Variants in CNTROB observed in about 807,000 individuals in gnomAD.
CNTROB encodes the protein centrobin, centriole duplication and spindle assembly protein.
A neutral mutation model predicts 115.7 loss-of-function variants in CNTROB; 82 were observed. The ratio of observed to expected loss-of-function variants is 0.71; its 90% CI spans 0.59 to 0.85. The LOEUF (loss-of-function observed/expected upper bound fraction) is 0.85. CNTROB is among the 40% of genes least tolerant of loss of function. The pLI is 0.00. For synonymous variants in CNTROB, 439 were observed against 456.4 expected (o/e 0.96, Z 0.49); for missense variants, 1,014 against 1,144.4 (o/e 0.89, Z 1.64).
chr17:7,939,990 C>T lies in CNTROB; in HGVS notation c.1165-106C>T. On this transcript the variant is annotated intron_variant, in intron 8 of 18. Coordinates refer to ENST00000563694, the MANE Select transcript of CNTROB (RefSeq NM_053051.5). This position sits in a 1 kb window ranked among gnomAD's most constrained non-coding sequence, Gnocchi z 4.4. Reference sequence around the variant, plus strand: ...GGGGAAATAAAACAAATGGGAGGAGCTGGGGGAAGCTTGGATTTTAGGGTT... The same window carrying T: ...GGGGAAATAAAACAAATGGGAGGAGTTGGGGGAAGCTTGGATTTTAGGGTT... 7.5e-7 allele frequency: 1 copy of T among 1,332,358 alleles called. No homozygotes were observed. The allele number at this position is 1,332,358 out of a possible 1,614,324, so 82.5% of individuals were successfully genotyped here.
chr17:7,944,511 A>G lies in CNTROB; in HGVS notation c.1607A>G (p.Gln536Arg). 3 of 1,614,096 alleles carry G rather than the reference A, an allele frequency of 1.9e-6. No individual in the cohort carries two copies. Among genetic ancestry groups the G allele is most frequent in the Non-Finnish European group, 2.5e-6 (3 of 1,179,996 alleles). The stretch of plus-strand genomic sequence containing the variant: ...GAGCAAGCGCGAGTGTGCGAACTGC[A>G]GAGTGGGAACCAGCAGCTGGAGGAG... ...AREQARVCEL[Q>R]SGNQQLEEQR... Residue 536 changes from glutamine to arginine, a missense_variant, in exon 12 of 19, where the codon CAG (glutamine) becomes CGG (arginine). Transcript: ENST00000563694. This position sits in a 1 kb window ranked among gnomAD's most constrained non-coding sequence, Gnocchi z 4.0.
intron 9 of CNTROB, 37 bp downstream of exon 9, chr17:7,940,279 C>G (rs2151754354): frequency 6.4e-7 from 1 of 1,559,912 alleles, no homozygotes. Flanking sequence ...TTTGTTCTGA[C>G]AGAAGTAGAT....
chr17:7,942,393 T>C (rs1051668091), intron 9 of CNTROB, among the ~76,000 whole-genome samples: 37 of 151,904 alleles, frequency 2.4e-4, no homozygotes, highest in African/African-American at 8.5e-4. Flanking sequence ...GTCAGGAGAT[T>C]GAGACCATCC....
In CNTROB at chr17:7,937,259, A is replaced by G; in HGVS notation, c.924A>G (p.Thr308=). 1.2e-6 allele frequency: 2 copies of G among 1,614,088 alleles called. No homozygotes were observed. The highest frequency in any genetic ancestry group is 1.7e-6 in the Non-Finnish European group (2 of 1,179,954). ...GACTGCAGCAACGGGAAAGAGAGAC[A>G]CTGGTGAGAAGATTGGACTGGGTTA... The part of the protein sequence containing the change: ...SARLQQRERE[T]LEEERQALTL... The change falls in exon 7 of 19, where the codon ACA becomes ACG. Residue 308 remains threonine, a synonymous_variant. Coordinates refer to ENST00000563694, the MANE Select transcript of CNTROB (RefSeq NM_053051.5).
At chr17:7,949,320 C>T (rs1407596755) in intron 18 of CNTROB, 65 bp from the exon 19 acceptor site, 19 of 1,603,468 alleles carry the variant, frequency 1.2e-5, no homozygotes, top group Non-Finnish European at 1.4e-5. Context: ...TGCATTTCCT[C>T]AGTGGGGTGG....
chr17:7,934,915 G>A, intron 3 of CNTROB, 74 bp from the exon 4 acceptor site: 1 of 1,493,344 alleles, frequency 6.7e-7, no homozygotes, highest in Non-Finnish European at 9.0e-7. Context: ...TTCCTCATTT[G>A]TAGAATATCA....
intron 13 of CNTROB, among the ~76,000 whole-genome samples, chr17:7,947,032 G>C (rs1292029828): frequency 1.3e-5 from 2 of 151,914 alleles, no homozygotes; most frequent in Non-Finnish European, 2.9e-5. Flanking sequence ...GTGGTGGCAG[G>C]CATCTGTAGT....
chr17:7,945,875 C>T lies in CNTROB; in HGVS notation c.1882C>T (p.Pro628Ser), dbSNP rs1265643912. The T allele has an allele frequency of 6.2e-7, 1 of 1,614,204 alleles. No homozygotes were observed. Among genetic ancestry groups the T allele is most frequent in the Non-Finnish European group, 8.5e-7 (1 of 1,180,030 alleles). Residue 628 changes from proline to serine, a missense_variant, in exon 13 of 19, where the codon CCT becomes TCT. Transcript: ENST00000563694. The part of the protein sequence containing the change: ...EARDELPGAP[P>S]VLCSSSSDLS... ...AAGGGACGAGCTACCTGGAGCGCCTCCTGTTCTTTGCAGTTCCTCCTCAGA... is the reference window on the plus strand; with the variant it reads ...AAGGGACGAGCTACCTGGAGCGCCTTCTGTTCTTTGCAGTTCCTCCTCAGA...
At position 7,940,190 on chromosome 17, in the gene CNTROB, A is replaced by T; in HGVS notation, c.1259A>T (p.Asp420Val). The change falls in exon 9 of 19, where the codon GAT becomes GTT. Residue 420 changes from aspartate to valine, a missense_variant. By Grantham distance (152) the Asp-to-Val change is radical. Transcript: ENST00000563694. ...GTGCGGCGGCTGGAAGGAGAGCTGG[A>T]TACAGCTCGGAGAGAGAGAGATGCC... is the stretch of plus-strand genomic sequence containing the variant. The part of the protein sequence containing the change: ...SEVRRLEGEL[D>V]TARRERDALQ... 6.2e-7 allele frequency: 1 copy of T among 1,612,828 alleles called. No individual in the cohort carries two copies.
Position 7,936,829 on chromosome 17 carries a change from G to A in CNTROB, c.828+12G>A. On this transcript the variant is annotated intron_variant, in intron 6 of 18. Coordinates refer to ENST00000563694, the MANE Select transcript of CNTROB (RefSeq NM_053051.5). Reference sequence around the variant, plus strand: ...GCAAGCAGCAGGAGGTGAGCGCCCTGGAGCATATGGCATTAGAACCTGAGT... The same window carrying A: ...GCAAGCAGCAGGAGGTGAGCGCCCTAGAGCATATGGCATTAGAACCTGAGT... 1 of 1,007,574 alleles carries A rather than the reference G, an allele frequency of 9.9e-7. No individual in the cohort carries two copies. Among genetic ancestry groups the A allele is most frequent in the Non-Finnish European group, 1.6e-6 (1 of 625,590 alleles). The allele number at this position is 1,007,574 out of a possible 1,614,324, so 62.4% of individuals were successfully genotyped here. A position where few individuals can be genotyped will look rare whatever the true frequency, so the allele number is the denominator to read the frequency against.
At chr17:7,946,192 G>A (rs1974516859) in intron 13 of CNTROB, among the ~76,000 whole-genome samples, 1 of 152,236 alleles carries the variant, frequency 6.6e-6, no homozygotes, top group African/African-American at 2.4e-5. Context: ...TGGACTTAAT[G>A]AGAACTGGAG....
In CNTROB at chr17:7,932,530, GGGAGCT is replaced by G. The variant is rs139951041; in HGVS notation, c.-542_-537del. 0.99 allele frequency: 153,682 copies of G among 154,978 alleles called. 76,202 individuals carry two copies. Among genetic ancestry groups the G allele is most frequent in the East Asian group, 1 (5,160 of 5,160 alleles). The allele number at this position is 154,978 out of a possible 1,614,324, so 9.6% of individuals were successfully genotyped here. On this transcript the variant is annotated 5_prime_UTR_variant, in exon 1 of 19. An upstream open reading frame in the 5' UTR gains an earlier in-frame stop. Coordinates refer to ENST00000563694, the MANE Select transcript of CNTROB (RefSeq NM_053051.5). The stretch of plus-strand genomic sequence containing the variant: ...AGGAGGGGTCGAAGGGAAAGTACAA[GGGAGCT>G]GGAGCTGACCCTGGGTAGAACGGGT...
At chr17:7,935,776 G>A (rs537765872) in intron 4 of CNTROB, 1 of 160,612 alleles carries the variant, frequency 6.2e-6, no homozygotes, top group Non-Finnish European at 1.4e-5. Flanking sequence ...GAAACACTCT[G>A]TGTTTGTCGA....
chr17:7,941,060 T>C (rs185127125), intron 9 of CNTROB, among the ~76,000 whole-genome samples: 3 of 152,162 alleles, frequency 2.0e-5, no homozygotes, highest in South Asian at 2.1e-4. Context: ...GAGGAAAGGA[T>C]TGGAGAGAGC....
chr17:7,945,619 T>C (rs1469042556), intron 12 of CNTROB, 109 bp from the exon 13 acceptor site: 3 of 1,181,072 alleles, frequency 2.5e-6, no homozygotes, highest in Non-Finnish European at 3.6e-6. Flanking sequence ...ATTACAGGTG[T>C]GAGCCACTGC....
Position 7,948,464 on chromosome 17 carries a change from G to C in CNTROB, c.2381-23G>C. The C allele has an allele frequency of 6.2e-7, 1 of 1,614,078 alleles. No homozygotes were observed. Among genetic ancestry groups the C allele is most frequent in the Non-Finnish European group, 8.5e-7 (1 of 1,179,960 alleles). Reference sequence around the variant, plus strand: ...GGAGACAGGCCCTAGGATGACGCCTGTGATTATTGCGATGTCTGTCAGGTG... The same window carrying C: ...GGAGACAGGCCCTAGGATGACGCCTCTGATTATTGCGATGTCTGTCAGGTG... On this transcript the variant is annotated intron_variant, in intron 16 of 18. Transcript: ENST00000563694. The surrounding 1 kb of genome is among the most constrained non-coding windows in gnomAD (Gnocchi z 4.4).
At chr17:7,934,355 GA>G in intron 2 of CNTROB, 109 bp from the exon 3 acceptor site, 1 of 1,333,560 alleles carries the variant, frequency 7.5e-7, no homozygotes, top group Non-Finnish European at 1.1e-6. Context: ...TTCTTTGGGA[GA>G]GGGGGTGAAG....
At position 7,947,939 on chromosome 17, in the gene CNTROB, C is replaced by A. The variant is rs777745120; in HGVS notation, c.2169C>A (p.Asn723Lys). The change falls in exon 15 of 19, where the codon AAC becomes AAA. Residue 723 changes from asparagine to lysine, a missense_variant. Asn to Lys is a moderately conservative substitution (Grantham distance 94). Coordinates refer to ENST00000563694, the MANE Select transcript of CNTROB (RefSeq NM_053051.5). The stretch of plus-strand genomic sequence containing the variant: ...AGTTGCTGGAGACAGTGCCCCAGAA[C>A]AATGAGAACCCTTCTGTCGACCTGT... The part of the protein sequence containing the change: ...LHQLLETVPQ[N>K]NENPSVDLLP... 6.2e-7 allele frequency: 1 copy of A among 1,614,122 alleles called. No individual in the cohort carries two copies. The highest frequency in any genetic ancestry group is 8.5e-7 in the Non-Finnish European group (1 of 1,179,978).
At position 7,947,719 on chromosome 17, in the gene CNTROB, C is replaced by G; in HGVS notation, c.2142C>G (p.His714Gln). 3 of 1,610,318 alleles carry G rather than the reference C, an allele frequency of 1.9e-6. No homozygotes were observed. The highest frequency in any genetic ancestry group is 2.5e-6 in the Non-Finnish European group (3 of 1,177,484). ...AQLEGLKNFL[H>Q]QLLETVPQNN... ...TGGAGGGCCTCAAGAATTTTTTGCA[C>G]CAGGTAAGAGAGATTCCACCCAGAC... Residue 714 changes from histidine to glutamine, a missense_variant, in exon 14 of 19, where the codon CAC becomes CAG. Transcript: ENST00000563694.
Sources: allele counts gnomAD v4.1 joint callset (sites outside exome capture counted in the v4.1 genomes callset), GRCh38; gene constraint gnomAD v4.1.1; non-coding constraint Gnocchi (gnomAD v3.1); transcripts MANE v1.5; gene names NCBI Gene and HGNC (gene_info 2026-07-23, HGNC 2026-07-21).